PPP1R12A: variants seen among roughly 807,000 people sequenced by gnomAD.
The protein encoded by PPP1R12A is protein phosphatase 1 regulatory subunit 12A.
In PPP1R12A, 19 loss-of-function variants were observed where a neutral mutation model predicts 139.6. The observed-to-expected ratio is 0.14, with a 90% CI of 0.09 to 0.20. The LOEUF (loss-of-function observed/expected upper bound fraction) is 0.20, where lower values mean the gene tolerates loss of function less well. PPP1R12A is among the 10% of genes least tolerant of loss of function. The pLI is 1.00. For synonymous variants in PPP1R12A, 427 were observed against 420.6 expected, an observed-to-expected ratio of 1.02 and a Z score of -0.19; for missense variants, 925 against 1,211.5, an observed-to-expected ratio of 0.76 and a Z score of 3.51.
chr12:79,892,324 A>G (rs1238261160), intron 1 of PPP1R12A, among the ~76,000 whole-genome samples: 1 of 152,182 alleles, frequency 6.6e-6, no homozygotes, highest in African/African-American at 2.4e-5. Context: ...CGAAATTATA[A>G]CTTGAGAACC....
chr12:79,778,976 CAAG>C (rs1870082731), intron 23 of PPP1R12A: 1 of 231,592 alleles, frequency 4.3e-6, no homozygotes, highest in African/African-American at 2.2e-5. Flanking sequence ...AGCAGAAAAG[CAAG>C]AAGCAAACAT....
intron 1 of PPP1R12A, among the ~76,000 whole-genome samples, chr12:79,915,788 G>C (rs575044233): frequency 3.5e-4 from 54 of 152,120 alleles, no homozygotes; most frequent in Non-Finnish European, 6.8e-4. Context: ...TCTTCCCTTT[G>C]GGTTGACACT....
At chr12:79,907,468 T>C (rs776123522) in intron 1 of PPP1R12A, among the ~76,000 whole-genome samples, 6 of 152,090 alleles carry the variant, frequency 3.9e-5, no homozygotes, top group Non-Finnish European at 8.8e-5. Flanking sequence ...AAATTAAAGA[T>C]CAAGTGGGAT....
intron 24 of PPP1R12A, 87 bp from the exon 25 acceptor site, chr12:79,776,102 CA>C: frequency 1.3e-6 from 1 of 798,472 alleles, no homozygotes. Flanking sequence ...ATTTTCACCA[CA>C]AAACACATGA....
At position 79,775,889 on chromosome 12, in the gene PPP1R12A, C is replaced by T; in HGVS notation, c.*40G>A. On this transcript the variant is annotated 3_prime_UTR_variant, in exon 25 of 25. Coordinates refer to ENST00000450142, the MANE Select transcript of PPP1R12A (RefSeq NM_002480.3). The stretch of plus-strand genomic sequence containing the variant: ...CTGCCAATTATGGTCCACTGGGTTA[C>T]TAATATGTGCAATTCCATTACTTGC... The T allele has an allele frequency of 1.4e-6, 2 of 1,406,934 alleles. No individual in the cohort carries two copies. Among genetic ancestry groups the T allele is most frequent in the East Asian group, 2.5e-5 (1 of 40,320 alleles). 87.2% of individuals were successfully genotyped at this position (1,406,934 alleles called of 1,614,324 possible).
chr12:79,859,526 G>A (rs879261219), intron 2 of PPP1R12A, among the ~76,000 whole-genome samples: 22 of 151,918 alleles, frequency 1.4e-4, no homozygotes, highest in Non-Finnish European at 2.6e-4. Context: ...TAAGTAAGTC[G>A]CCACACATAT....
intron 1 of PPP1R12A, among the ~76,000 whole-genome samples, chr12:79,930,127 G>A (rs927302405): frequency 2.0e-5 from 3 of 152,128 alleles, no homozygotes; most frequent in African/African-American, 7.2e-5. Flanking sequence ...AGAATATAAG[G>A]TACAGTGAAC....
intron 1 of PPP1R12A, among the ~76,000 whole-genome samples, chr12:79,877,402 C>T (rs977255870): frequency 1.2e-4 from 18 of 152,102 alleles, no homozygotes; most frequent in Admixed American, 2.0e-4. Context: ...TATTTAATGA[C>T]GAAGAAACAT....
intron 12 of PPP1R12A, 83 bp downstream of exon 12, chr12:79,807,143 A>G: frequency 1.4e-6 from 1 of 716,134 alleles, no homozygotes; most frequent in Non-Finnish European, 2.2e-6. Context: ...GTTTAAAATG[A>G]TGTTAAACTG....
At chr12:79,917,410 G>A (rs1887082150) in intron 1 of PPP1R12A, among the ~76,000 whole-genome samples, 1 of 150,118 alleles carries the variant, frequency 6.7e-6, no homozygotes, top group South Asian at 2.1e-4. Context: ...GCTTGAACCT[G>A]GGAAGCGGAG....
Position 79,805,686 on chromosome 12 carries a change from G to A in PPP1R12A, c.1906C>T (p.Pro636Ser), listed in dbSNP as rs1415120227. The A allele has an allele frequency of 1.9e-6, 3 of 1,613,610 alleles. No individual in the cohort carries two copies. The highest frequency in any genetic ancestry group is 2.2e-5 in the East Asian group (1 of 44,832). Reference protein sequence around the residue: ...VPTAVTIPVAPTVVNAAASTT... With the variant: ...VPTAVTIPVASTVVNAAASTT... ...GAAGCTGCAGCATTTACAACAGTTG[G>A]AGCAACAGGAATGGTCACTGCCGTA... The change falls in exon 14 of 25, where the codon CCA (proline) becomes TCA (serine). Residue 636 changes from proline (P) to serine (S), a missense_variant. This residue lies in a region of PPP1R12A where 403 missense variants were observed against 463.7 expected (regional missense o/e 0.87). Transcript: ENST00000450142.
chr12:79,928,758 CTT>C (rs1313462606), intron 1 of PPP1R12A, among the ~76,000 whole-genome samples: 1 of 152,176 alleles, frequency 6.6e-6, no homozygotes, highest in African/African-American at 2.4e-5. Context: ...CTTCCAGTCT[CTT>C]TTACACTTCA....
intron 22 of PPP1R12A, 93 bp downstream of exon 22, chr12:79,786,281 A>G: frequency 1.4e-6 from 1 of 713,844 alleles, no homozygotes; most frequent in Non-Finnish European, 2.3e-6. Flanking sequence ...TCAAACTTCT[A>G]TTTAGAGTAT....
chr12:79,844,728 A>C (rs1879180535), intron 3 of PPP1R12A, among the ~76,000 whole-genome samples: 1 of 152,186 alleles, frequency 6.6e-6, no homozygotes, highest in African/African-American at 2.4e-5. Flanking sequence ...TAAAAGCCAA[A>C]GTCTTCCCAA....
chr12:79,817,967 C>T (rs1032383606), intron 8 of PPP1R12A, among the ~76,000 whole-genome samples: 14 of 152,132 alleles, frequency 9.2e-5, no homozygotes, highest in African/African-American at 3.1e-4. Flanking sequence ...CAATAATTAC[C>T]TTACATTCCT....
chr12:79,792,873 C>T (rs1035584909), intron 19 of PPP1R12A, among the ~76,000 whole-genome samples: 2 of 152,062 alleles, frequency 1.3e-5, no homozygotes, highest in African/African-American at 4.8e-5. Flanking sequence ...TTTAGGCCTG[C>T]AAATAATTTA....
intron 1 of PPP1R12A, among the ~76,000 whole-genome samples, chr12:79,930,448 GA>G (rs1888164689): frequency 6.6e-6 from 1 of 152,156 alleles, no homozygotes; most frequent in African/African-American, 2.4e-5. Flanking sequence ...ATAGAGGCAG[GA>G]AAAACAATTA....
intron 23 of PPP1R12A, chr12:79,779,470 G>T: frequency 1.3e-6 from 1 of 781,838 alleles, no homozygotes; most frequent in Non-Finnish European, 1.9e-6. Context: ...TACTGTAAAT[G>T]TTAATGTTTT....
At position 79,794,705 on chromosome 12, in the gene PPP1R12A, T is replaced by C. The variant is rs948464508; in HGVS notation, c.2584-777A>G. Among the ~76,000 whole-genome samples, 8 of 152,004 alleles carry C rather than the reference T, an allele frequency of 5.3e-5. No individual in the cohort carries two copies. In the South Asian group the frequency reaches 1.7e-3, roughly 32 times the overall value. ...AATATTAGAGATAAAGAGGAACATA[T>C]AGTGAGAGATGGGTCAGTTTAACAG... On this transcript the variant is annotated intron_variant, in intron 18 of 24. Transcript: ENST00000450142.
Sources: gnomAD v4.1 joint callset for allele counts (sites outside exome capture counted in the v4.1 genomes callset) on GRCh38, gnomAD v4.1.1 for gene constraint, gnomAD v4.1.1 regional missense constraint, MANE v1.5 for transcripts, NCBI Gene and HGNC (gene_info 2026-07-23, HGNC 2026-07-21) for gene names.